The following TRANK1 variants were observed in gnomAD, a reference collection of about 807,000 sequenced individuals.
TRANK1 encodes the protein TPR and ankyrin repeat-containing protein 1.
TRANK1 carries 198 observed loss-of-function variants against 266.0 expected under a neutral mutation model. The ratio of observed to expected loss-of-function variants is 0.74; its 90% CI spans 0.66 to 0.84. TRANK1 has a LOEUF of 0.84. Ranked by LOEUF, TRANK1 falls within the 40% of genes least tolerant of loss-of-function variation. The pLI, the probability that TRANK1 is intolerant of heterozygous loss-of-function variation, is 0.00. For synonymous variants in TRANK1, 1,396 were observed against 1,384.1 expected, an observed-to-expected ratio of 1.01 and a Z score of -0.19; for missense variants, 3,326 against 3,634.6, an observed-to-expected ratio of 0.92 and a Z score of 2.18.
intron 17 of TRANK1, among the ~76,000 whole-genome samples, chr3:36,845,680 T>C (rs2078904810): frequency 6.6e-6 from 1 of 152,230 alleles, no homozygotes; most frequent in Non-Finnish European, 1.5e-5. Flanking sequence ...ACATCTTTCC[T>C]TAGCAGTAAA....
intron 1 of TRANK1, among the ~76,000 whole-genome samples, chr3:36,935,794 A>G (rs2080418023): frequency 6.6e-6 from 1 of 152,174 alleles, no homozygotes; most frequent in Non-Finnish European, 1.5e-5. Context: ...AAGTCTTACT[A>G]TTTCTGCAAC....
chr3:36,901,751 G>C (rs1043064713), intron 3 of TRANK1, among the ~76,000 whole-genome samples: 2 of 152,126 alleles, frequency 1.3e-5, no homozygotes, highest in Admixed American at 1.3e-4. Context: ...AGACTCCCAG[G>C]AGTTCTGGGT....
At chr3:36,886,929 CAG>C (rs1367230514) in intron 8 of TRANK1, among the ~76,000 whole-genome samples, 18 of 117,802 alleles carry the variant, frequency 1.5e-4, no homozygotes, top group South Asian at 2.8e-4. Context: ...TTTTTTGAGA[CAG>C]AGTCTCGCTC....
intron 9 of TRANK1, 113 bp downstream of exon 9, chr3:36,874,011 CAT>C (rs1218462509): frequency 9.9e-6 from 9 of 907,706 alleles, no homozygotes; most frequent in South Asian, 6.6e-5. Context: ...GTCTCACTTC[CAT>C]ATATATATGT....
At chr3:36,844,490 G>A (rs2125524912) in intron 17 of TRANK1, among the ~76,000 whole-genome samples, 1 of 152,276 alleles carries the variant, frequency 6.6e-6, no homozygotes, top group South Asian at 2.1e-4. Context: ...GCCCCTCAAA[G>A]TGCTGGGATT....
rs546546817 is a variant in TRANK1, at chr3:36,855,726, G to A, written c.3996C>T (p.Pro1332=). Residue 1332 remains proline, a synonymous_variant, in exon 13 of 24, where the codon CCC becomes CCT. Transcript: ENST00000645898. ...TFEVFKNEIW[P]KMTKGRTAYN... is the part of the protein sequence containing the mutation. ...AGGCAGTCCTCCCTTTGGTCATTTTGGGCCATATTTCATTTTTGAACACCT... is the reference window on the plus strand; with the variant it reads ...AGGCAGTCCTCCCTTTGGTCATTTTAGGCCATATTTCATTTTTGAACACCT... 2 of 1,613,578 alleles carry A rather than the reference G, an allele frequency of 1.2e-6. No individual in the cohort carries two copies. Among genetic ancestry groups the A allele is most frequent in the African/African-American group, 1.3e-5 (1 of 74,890 alleles).
chr3:36,904,546 G>A (rs572297109), intron 2 of TRANK1, among the ~76,000 whole-genome samples: 15 of 151,942 alleles, frequency 9.9e-5, no homozygotes, highest in South Asian at 6.3e-4. Context: ...AATCTTAATC[G>A]TAAAAATAAT....
Position 36,852,289 on chromosome 3 carries a change from A to G in TRANK1, c.4606T>C (p.Ser1536Pro). Reference protein sequence around the residue: ...VDLLQFYFPESFDRLPRDSGL... With the variant: ...VDLLQFYFPEPFDRLPRDSGL... ...GAATCCCTTGGAAGGCGATCAAAAG[A>G]TTCTGGGAAATAGAACTGAAGTAAA... Residue 1536 changes from serine to proline, a missense_variant, in exon 14 of 24, where the codon TCT (serine) becomes CCT (proline). Transcript: ENST00000645898. 10 of 1,611,312 alleles carry G rather than the reference A, an allele frequency of 6.2e-6. No homozygotes were observed. Among genetic ancestry groups the G allele is most frequent in the Non-Finnish European group, 8.5e-6 (10 of 1,178,796 alleles).
chr3:36,931,445 T>C (rs550740568), intron 1 of TRANK1, among the ~76,000 whole-genome samples: 1 of 152,332 alleles, frequency 6.6e-6, no homozygotes, highest in South Asian at 2.1e-4. Flanking sequence ...TGGCTCATGC[T>C]TGTAATCCCA....
chr3:36,840,753 C>T (rs2078833309), intron 18 of TRANK1, among the ~76,000 whole-genome samples: 1 of 152,162 alleles, frequency 6.6e-6, no homozygotes, highest in Non-Finnish European at 1.5e-5. Flanking sequence ...TCCCCCCGGT[C>T]CCCTGAGCCA....
Position 36,900,425 on chromosome 3 carries a change from T to C in TRANK1, c.283-1166A>G, listed in dbSNP as rs140441887. Among the ~76,000 whole-genome samples, 94 of 152,272 alleles carry C rather than the reference T, an allele frequency of 6.2e-4. 1 individual carries two copies. In the East Asian group the frequency reaches 0.014, roughly 23 times the overall value. On this transcript the variant is annotated intron_variant, in intron 3 of 23. Transcript: ENST00000645898. ...AGGCCAAAGAAATATTTGATTTCTATAGAAAGAGGAAAATTACAATGATCA... is the reference window on the plus strand; with the variant it reads ...AGGCCAAAGAAATATTTGATTTCTACAGAAAGAGGAAAATTACAATGATCA...
intron 10 of TRANK1, 26 bp downstream of exon 10, chr3:36,864,293 T>A: frequency 6.7e-7 from 1 of 1,486,720 alleles, no homozygotes; most frequent in Non-Finnish European, 8.9e-7. Context: ...ATTTTTAACA[T>A]CATTGAACGT....
chr3:36,867,725 C>T (rs919227375), intron 9 of TRANK1, among the ~76,000 whole-genome samples: 60 of 152,196 alleles, frequency 3.9e-4, no homozygotes, highest in African/African-American at 1.4e-3. Context: ...TGCTAACATG[C>T]AATTACAATA....
chr3:36,908,971 T>A (rs2080013781), intron 1 of TRANK1, among the ~76,000 whole-genome samples: 2 of 152,146 alleles, frequency 1.3e-5, no homozygotes, highest in African/African-American at 4.8e-5. Flanking sequence ...CACGTATTGG[T>A]AAAAACTCAG....
At chr3:36,879,106 C>T (rs1001410347) in intron 8 of TRANK1, among the ~76,000 whole-genome samples, 1 of 151,174 alleles carries the variant, frequency 6.6e-6, no homozygotes, top group Non-Finnish European at 1.5e-5. Flanking sequence ...AGAATGATGG[C>T]ATATTAGAAA....
At position 36,856,904 on chromosome 3, in the gene TRANK1, G is replaced by T. The variant is rs766372239; in HGVS notation, c.2818C>A (p.Arg940=). Reference sequence around the variant, plus strand: ...TGATCTAAGACGATGTCCCAAATCCGGATGATTTCCGTGTAGATCCGCCCT... The same window carrying T: ...TGATCTAAGACGATGTCCCAAATCCTGATGATTTCCGTGTAGATCCGCCCT... The part of the protein sequence containing the change: ...KSGRIYTEII[R]IWDIVLDHCK... Residue 940 remains arginine, a synonymous_variant, in exon 13 of 24, where the codon CGG becomes AGG. Transcript: ENST00000645898. 1 of 1,613,942 alleles carries T rather than the reference G, an allele frequency of 6.2e-7. No homozygotes were observed. Among genetic ancestry groups the T allele is most frequent in the East Asian group, 2.2e-5 (1 of 44,884 alleles).
In TRANK1 at chr3:36,857,996, G is replaced by A. The variant is rs2079083384; in HGVS notation, c.1726C>T (p.Pro576Ser). 1.3e-6 allele frequency: 2 copies of A among 1,596,788 alleles called. No individual in the cohort carries two copies. The highest frequency in any genetic ancestry group is 1.1e-5 in the South Asian group (1 of 90,698). ...SHLLDLFWSNPTEFDYLNPNV... is the reference protein window; with the variant it reads ...SHLLDLFWSNSTEFDYLNPNV... ...GGGTTGAGGTAGTCGAATTCAGTGG[G>A]GTTGGACCAAAACAGATCCAACAGA... The change falls in exon 13 of 24, where the codon CCC becomes TCC. Residue 576 changes from proline to serine, a missense_variant. Transcript: ENST00000645898. This position sits in a 1 kb window ranked among gnomAD's most constrained non-coding sequence, Gnocchi z 4.3.
intron 1 of TRANK1, chr3:36,929,264 C>T (rs2080329388): frequency 6.6e-6 from 1 of 151,916 alleles, no homozygotes; most frequent in African/African-American, 2.4e-5. Context: ...GCCTCAGCCT[C>T]CTGAGTAGCT....
chr3:36,887,751 C>T lies in TRANK1; in HGVS notation c.907+2078G>A, dbSNP rs559957165. Among the ~76,000 whole-genome samples, 11 of 152,340 alleles carry T rather than the reference C, an allele frequency of 7.2e-5. No individual in the cohort carries two copies. The South Asian group carries it at 2.1e-3, about 29-fold the overall frequency. ...ATTATACCAAGGAACTCAAGAAATG[C>T]TACAATTCTGAGCTTCTGTCTTGAA... On this transcript the variant is annotated intron_variant, in intron 8 of 23. Transcript: ENST00000645898.
Sources: gnomAD v4.1 joint callset for allele counts (sites outside exome capture counted in the v4.1 genomes callset) on GRCh38, gnomAD v4.1.1 for gene constraint, Gnocchi (gnomAD v3.1) non-coding constraint, MANE v1.5 for transcripts, NCBI Gene and HGNC (gene_info 2026-07-23, HGNC 2026-07-21) for gene names.